The following SNX29 variants were observed in gnomAD, a reference collection of about 807,000 sequenced individuals.
SNX29 encodes the protein sorting nexin-29.
Under a neutral mutation model 102.1 loss-of-function variants are expected in SNX29, and 78 were observed. That is an observed-to-expected ratio of 0.76 (90% CI 0.64 to 0.92). The LOEUF (loss-of-function observed/expected upper bound fraction) is 0.92, where lower values mean the gene tolerates loss of function less well. SNX29 is among the 40% of genes least tolerant of loss of function. The pLI, the probability that SNX29 is intolerant of heterozygous loss-of-function variation, is 0.00. For missense variants in SNX29, 1,280 were observed against 1,061.7 expected (o/e 1.21, Z -2.86); for synonymous variants, 580 against 414.5 (o/e 1.40, Z -4.85).
At chr16:12,338,416 C>A (rs1381766277) in intron 15 of SNX29, among the ~76,000 whole-genome samples, 2 of 152,172 alleles carry the variant, frequency 1.3e-5, no homozygotes, top group East Asian at 1.9e-4. Context: ...CTGCCTTCCC[C>A]CCGGGAGGTA....
intron 16 of SNX29, chr16:12,375,177 T>G (rs1450940042): frequency 6.6e-6 from 1 of 152,206 alleles, no homozygotes; most frequent in Non-Finnish European, 1.5e-5. Context: ...CTCTAGATTT[T>G]ATCCATGGAT....
intron 20 of SNX29, among the ~76,000 whole-genome samples, chr16:12,543,504 G>A (rs1302885314): frequency 2.6e-5 from 4 of 152,202 alleles, no homozygotes; most frequent in Non-Finnish European, 5.9e-5. Context: ...GTGCTGGCGA[G>A]TCATTGTGTA....
chr16:12,322,733 C>A (rs914801241), intron 15 of SNX29, among the ~76,000 whole-genome samples: 2 of 150,956 alleles, frequency 1.3e-5, no homozygotes, highest in Non-Finnish European at 3.0e-5. Context: ...AGACCACCGT[C>A]AGGATGCAGT....
At chr16:12,409,470 C>A (rs940267772) in intron 18 of SNX29, among the ~76,000 whole-genome samples, 2 of 136,578 alleles carry the variant, frequency 1.5e-5, no homozygotes, top group African/African-American at 5.4e-5. Context: ...GCTCTGTTAC[C>A]CAGGCTGGAG....
At position 12,572,593 on chromosome 16, in the gene SNX29, G is replaced by C; in HGVS notation, c.*3964G>C. On this transcript the variant is annotated 3_prime_UTR_variant, in exon 21 of 21. Coordinates refer to ENST00000566228, the MANE Select transcript of SNX29 (RefSeq NM_032167.5). ...TCCAGCCATGTTCTCTGGGCTCCCA[G>C]TGAGCCCCCTCCCCTCCGGCTACCC... 1.9e-6 allele frequency: 2 copies of C among 1,064,236 alleles called. No homozygotes were observed. Among genetic ancestry groups the C allele is most frequent in the Non-Finnish European group, 2.3e-6 (2 of 878,574 alleles). 65.9% of individuals were successfully genotyped at this position (1,064,236 alleles called of 1,614,324 possible). A position where few individuals can be genotyped will look rare whatever the true frequency, so the allele number is the denominator to read the frequency against.
In SNX29 at chr16:12,287,266, C is replaced by G. The variant is rs1013692665; in HGVS notation, c.1782+9230C>G. 2.0e-5 allele frequency among the ~76,000 whole-genome samples: 3 copies of G among 152,186 alleles called. No homozygotes were observed. The South Asian group carries it at 6.2e-4, about 32-fold the overall frequency. On this transcript the variant is annotated intron_variant, in intron 15 of 20. Transcript: ENST00000566228. ...GACCACAGCCTGCAGGCTCCACCAG[C>G]GTATGGGTTTCCAGCCTCCAGCATG...
chr16:12,099,597 G>A (rs143358770), intron 11 of SNX29, among the ~76,000 whole-genome samples: 1 of 152,130 alleles, frequency 6.6e-6, no homozygotes, highest in Non-Finnish European at 1.5e-5. Flanking sequence ...CCGGACTCCC[G>A]GTGAGGGTGG....
At chr16:12,540,440 G>A (rs537234073) in intron 20 of SNX29, among the ~76,000 whole-genome samples, 39 of 152,208 alleles carry the variant, frequency 2.6e-4, no homozygotes, top group Admixed American at 7.2e-4. Context: ...CTGCTGTGGA[G>A]GCCAGAAGTC....
chr16:12,101,300 A>ATTTTTTT (rs1596884434), intron 11 of SNX29, among the ~76,000 whole-genome samples: 1 of 50,880 alleles, frequency 2.0e-5, no homozygotes, highest in Non-Finnish European at 3.2e-5. Flanking sequence ...GCCCCCCCCA[A>ATTTTTTT]CTTTTTTTTT....
intron 13 of SNX29, among the ~76,000 whole-genome samples, chr16:12,149,255 A>G (rs2055196075): frequency 1.3e-5 from 2 of 152,156 alleles, no homozygotes; most frequent in Admixed American, 6.5e-5. Context: ...AGAAGGGGAG[A>G]AAGTGTGTGC....
intron 18 of SNX29, among the ~76,000 whole-genome samples, chr16:12,448,337 G>A (rs1457291074): frequency 1.3e-5 from 2 of 152,132 alleles, no homozygotes; most frequent in Admixed American, 6.5e-5. Context: ...TGGTGGTGAT[G>A]GTGACAGACA....
chr16:12,223,438 G>C (rs1035457893), intron 14 of SNX29, among the ~76,000 whole-genome samples: 3 of 152,136 alleles, frequency 2.0e-5, no homozygotes, highest in African/African-American at 7.2e-5. Flanking sequence ...GAGGAGGGTG[G>C]ATCACCTGAA....
chr16:12,514,342 C>G (rs994438396), intron 19 of SNX29, among the ~76,000 whole-genome samples: 3 of 152,132 alleles, frequency 2.0e-5, no homozygotes, highest in Non-Finnish European at 4.4e-5. Flanking sequence ...CGCCTCTGCT[C>G]CTGAATCTTG....
At chr16:12,566,517 C>T (rs1285319872) in intron 20 of SNX29, among the ~76,000 whole-genome samples, 1 of 152,174 alleles carries the variant, frequency 6.6e-6, no homozygotes, top group Non-Finnish European at 1.5e-5. Context: ...CTGCTCAGAC[C>T]CCGCATCTGA....
intron 19 of SNX29, among the ~76,000 whole-genome samples, chr16:12,481,261 G>T (rs1239135292): frequency 6.6e-6 from 1 of 152,070 alleles, no homozygotes; most frequent in African/African-American, 2.4e-5. Context: ...ACTGGTGGGG[G>T]TGGATCTGAC....
intron 18 of SNX29, among the ~76,000 whole-genome samples, chr16:12,421,146 G>A (rs945567419): frequency 1.3e-5 from 2 of 152,192 alleles, no homozygotes; most frequent in African/African-American, 4.8e-5. Flanking sequence ...GCTGGGCTTT[G>A]CACTCTGATC....
At chr16:12,560,487 G>A (rs1198823717) in intron 20 of SNX29, among the ~76,000 whole-genome samples, 3 of 152,122 alleles carry the variant, frequency 2.0e-5, no homozygotes, top group Non-Finnish European at 4.4e-5. Flanking sequence ...CTTACCTCCT[G>A]CTTTTCTGGG....
chr16:12,563,119 G>A (rs530106271), intron 20 of SNX29, among the ~76,000 whole-genome samples: 71 of 152,186 alleles, frequency 4.7e-4, no homozygotes, highest in African/African-American at 1.6e-3. Flanking sequence ...ACAGAGCCTA[G>A]GAAAGGTCGC....
rs138978756 is a variant in SNX29, at chr16:11,986,978, G to A, written c.7+10165G>A. 3.5e-4 allele frequency among the ~76,000 whole-genome samples: 53 copies of A among 152,324 alleles called. 1 individual carries two copies. In the East Asian group the frequency reaches 8.7e-3, roughly 25 times the overall value. ...AATCTTCGTGCCCATTGATGCTCAGGAAGTCATTGTGTTATTACGGAAAAG... is the reference window on the plus strand; with the variant it reads ...AATCTTCGTGCCCATTGATGCTCAGAAAGTCATTGTGTTATTACGGAAAAG... On this transcript the variant is annotated intron_variant, in intron 1 of 20. Coordinates refer to ENST00000566228, the MANE Select transcript of SNX29 (RefSeq NM_032167.5).
Sources: allele counts gnomAD v4.1 joint callset (sites outside exome capture counted in the v4.1 genomes callset), GRCh38; gene constraint gnomAD v4.1.1; transcripts MANE v1.5; gene names NCBI Gene and HGNC (gene_info 2026-07-23, HGNC 2026-07-21).